The following GRIA1 variants were observed in gnomAD, a reference collection of about 807,000 sequenced individuals.
GRIA1 encodes glutamate ionotropic receptor AMPA type subunit 1, also known as glutamate receptor 1.
A neutral mutation model predicts 99.2 loss-of-function variants in GRIA1; 31 were observed. The ratio of observed to expected loss-of-function variants is 0.31; its 90% CI spans 0.23 to 0.42. The LOEUF (loss-of-function observed/expected upper bound fraction) is 0.42, where lower values mean the gene tolerates loss of function less well. Ranked by LOEUF, GRIA1 falls within the 10% of genes least tolerant of loss-of-function variation. The pLI, the probability that GRIA1 is intolerant of heterozygous loss-of-function variation, is 1.00. For synonymous variants in GRIA1, 438 were observed against 432.4 expected, an observed-to-expected ratio of 1.01 and a Z score of -0.16; for missense variants, 782 against 1,157.5, an observed-to-expected ratio of 0.68 and a Z score of 4.71.
At chr5:153,643,186 G>A (rs999790303) in intron 2 of GRIA1, among the ~76,000 whole-genome samples, 2 of 152,098 alleles carry the variant, frequency 1.3e-5, no homozygotes, top group Admixed American at 6.5e-5. Context: ...AAATATTGTC[G>A]AATCAGTAAA....
intron 2 of GRIA1, among the ~76,000 whole-genome samples, chr5:153,567,539 C>A (rs908609512): frequency 6.6e-6 from 1 of 152,190 alleles, no homozygotes; most frequent in Non-Finnish European, 1.5e-5. Flanking sequence ...CCTCTACCCA[C>A]TAGGTACCAT....
At chr5:153,527,402 T>A (rs566206777) in intron 2 of GRIA1, among the ~76,000 whole-genome samples, 1 of 152,284 alleles carries the variant, frequency 6.6e-6, no homozygotes, top group Non-Finnish European at 1.5e-5. Context: ...AATTATGGTT[T>A]AAGGAGATGC....
intron 11 of GRIA1, among the ~76,000 whole-genome samples, chr5:153,750,423 C>T (rs1762435067): frequency 6.6e-6 from 1 of 152,192 alleles, no homozygotes; most frequent in African/African-American, 2.4e-5. Flanking sequence ...TGAAGGCACA[C>T]AGGAGGTGTC....
At chr5:153,760,077 C>T (rs1311326067) in intron 11 of GRIA1, among the ~76,000 whole-genome samples, 1 of 151,974 alleles carries the variant, frequency 6.6e-6, no homozygotes, top group African/African-American at 2.4e-5. Flanking sequence ...ATGAAAAATA[C>T]AGCTAACATC....
chr5:153,658,447 A>C (rs1308394197), intron 5 of GRIA1, among the ~76,000 whole-genome samples: 1 of 152,178 alleles, frequency 6.6e-6, no homozygotes. Context: ...GACCTCTCAA[A>C]TGCTTACAGC....
At chr5:153,640,096 C>T (rs1014118663) in intron 2 of GRIA1, among the ~76,000 whole-genome samples, 1 of 152,162 alleles carries the variant, frequency 6.6e-6, no homozygotes, top group Non-Finnish European at 1.5e-5. Context: ...GGCCCCCTGC[C>T]CTTGGTTACA....
chr5:153,800,587 T>C (rs540540502), intron 14 of GRIA1, among the ~76,000 whole-genome samples: 1 of 152,316 alleles, frequency 6.6e-6, no homozygotes, highest in African/African-American at 2.4e-5. Context: ...GTGTAACCTA[T>C]ATTCAAGAGC....
chr5:153,517,490 G>T (rs1756738603), intron 2 of GRIA1, among the ~76,000 whole-genome samples: 1 of 152,180 alleles, frequency 6.6e-6, no homozygotes, highest in African/African-American at 2.4e-5. Flanking sequence ...CCCTCAGAAA[G>T]GGAGGGATCA....
At chr5:153,498,808 G>A (rs191994135) in intron 2 of GRIA1, among the ~76,000 whole-genome samples, 2 of 152,156 alleles carry the variant, frequency 1.3e-5, no homozygotes, top group East Asian at 3.9e-4. Flanking sequence ...GAGCTGAGAA[G>A]TGCTGCCCTT....
intron 2 of GRIA1, among the ~76,000 whole-genome samples, chr5:153,582,345 G>A (rs1763116247): frequency 6.6e-6 from 1 of 152,202 alleles, no homozygotes; most frequent in African/African-American, 2.4e-5. Flanking sequence ...GGGGATCAGG[G>A]TGTCTTGAGC....
At chr5:153,665,808 G>A (rs991367273) in intron 5 of GRIA1, among the ~76,000 whole-genome samples, 6 of 152,174 alleles carry the variant, frequency 3.9e-5, no homozygotes, top group Non-Finnish European at 8.8e-5. Context: ...AGCTACTATG[G>A]TGGAAAAGAG....
chr5:153,491,534 T>C (rs1367137218), intron 1 of GRIA1, among the ~76,000 whole-genome samples: 1 of 152,030 alleles, frequency 6.6e-6, no homozygotes, highest in Non-Finnish European at 1.5e-5. Flanking sequence ...GTAGGCTCCC[T>C]CTCCTGTTCT....
intron 11 of GRIA1, among the ~76,000 whole-genome samples, chr5:153,748,093 G>GAGAT (rs1196883488): frequency 2.6e-5 from 4 of 152,162 alleles, no homozygotes; most frequent in African/African-American, 7.2e-5. Context: ...TTAGTGGAGG[G>GAGAT]AGATAGATAG....
intron 11 of GRIA1, among the ~76,000 whole-genome samples, chr5:153,760,400 A>T (rs1440337204): frequency 6.6e-6 from 1 of 152,082 alleles, no homozygotes; most frequent in African/African-American, 2.4e-5. Flanking sequence ...AAAATACCTG[A>T]AAAAGAAATC....
intron 2 of GRIA1, among the ~76,000 whole-genome samples, chr5:153,607,080 C>T (rs1416539472): frequency 4.9e-5 from 6 of 123,464 alleles, no homozygotes; most frequent in Admixed American, 4.7e-4. Context: ...ATCACAGTTT[C>T]TTTATCCACT....
At chr5:153,739,291 T>TG (rs1384623120) in intron 11 of GRIA1, among the ~76,000 whole-genome samples, 1 of 152,118 alleles carries the variant, frequency 6.6e-6, no homozygotes, top group African/African-American at 2.4e-5. Context: ...CTAAGGTCTT[T>TG]GGTTTTTGTT....
At position 153,668,123 on chromosome 5, in the gene GRIA1, C is replaced by A. The variant is rs75977166; in HGVS notation, c.700-6377C>A. On this transcript the variant is annotated intron_variant, in intron 5 of 15. Coordinates refer to ENST00000285900, the MANE Select transcript of GRIA1 (RefSeq NM_000827.4). The stretch of plus-strand genomic sequence containing the variant: ...CCTCTTTGGGCCTCAGTTTCCCTAT[C>A]TGAACAATATGAGGGGTTTGTTTTA... 2.4e-4 allele frequency among the ~76,000 whole-genome samples: 36 copies of A among 152,064 alleles called. 1 individual carries two copies. The East Asian group carries it at 6.8e-3, about 29-fold the overall frequency.
intron 2 of GRIA1, among the ~76,000 whole-genome samples, chr5:153,630,406 C>T (rs751763240): frequency 5.9e-5 from 9 of 152,240 alleles, no homozygotes; most frequent in East Asian, 3.9e-4. Context: ...TTTATTACTG[C>T]GTGGCTGTTG....
intron 2 of GRIA1, among the ~76,000 whole-genome samples, chr5:153,499,665 G>T (rs1257763653): frequency 7.8e-6 from 1 of 128,078 alleles, no homozygotes; most frequent in Non-Finnish European, 1.7e-5. Context: ...ACAGAGAAAA[G>T]TACCATAGCA....
Sources: allele counts gnomAD v4.1 joint callset (sites outside exome capture counted in the v4.1 genomes callset), GRCh38; gene constraint gnomAD v4.1.1; transcripts MANE v1.5; gene names NCBI Gene and HGNC (gene_info 2026-07-23, HGNC 2026-07-21).